The following SENP6 variants were observed in gnomAD, a reference collection of about 807,000 sequenced individuals.
SENP6 encodes SUMO specific peptidase 6.
Under a neutral mutation model 134.5 loss-of-function variants are expected in SENP6, and 41 were observed. The ratio of observed to expected loss-of-function variants is 0.30; its 90% CI spans 0.24 to 0.40. The LOEUF is 0.40. SENP6 is among the 10% of genes least tolerant of loss of function. The pLI, the probability that SENP6 is intolerant of heterozygous loss-of-function variation, is 1.00. For missense variants in SENP6, 1,248 were observed against 1,312.5 expected (o/e 0.95, Z 0.76); for synonymous variants, 395 against 429.8 (o/e 0.92, Z 1.00).
rs746048827 is a variant in SENP6 at position 75,666,840 on chromosome 6, A to C, written c.1123A>C (p.Asn375His). The C allele has an allele frequency of 6.2e-7, 1 of 1,613,856 alleles. No homozygotes were observed. The highest frequency in any genetic ancestry group is 1.1e-5 in the South Asian group (1 of 91,066). The change falls in exon 10 of 24, where the codon AAT becomes CAT. Residue 375 changes from asparagine (N) to histidine (H), a missense_variant. Around this residue, in one of 3 missense-constraint regions of SENP6, gnomAD observed 733 missense variants for 725.4 expected, o/e 1.01. Coordinates refer to ENST00000447266, the MANE Select transcript of SENP6 (RefSeq NM_015571.4). The part of the protein sequence containing the change: ...PSTGKVEAAL[N>H]ENTCRAEREL... ...CACTGGAAAAGTAGAAGCAGCGCTA[A>C]ATGAAAATACTTGCAGAGCAGAGCG...
chr6:75,685,296 C>G (rs1773749638), intron 16 of SENP6, among the ~76,000 whole-genome samples: 2 of 151,994 alleles, frequency 1.3e-5, no homozygotes, highest in Admixed American at 1.3e-4. Flanking sequence ...GTCTTGCTAG[C>G]AGTCAGTCAA....
chr6:75,708,859 A>G (rs989519777), intron 19 of SENP6, among the ~76,000 whole-genome samples: 4 of 152,144 alleles, frequency 2.6e-5, no homozygotes, highest in Non-Finnish European at 5.9e-5. Flanking sequence ...GTGCCACTGC[A>G]CTCCAGCCTG....
chr6:75,664,872 T>C (rs1452093009), intron 9 of SENP6, among the ~76,000 whole-genome samples: 2 of 152,248 alleles, frequency 1.3e-5, no homozygotes, highest in African/African-American at 4.8e-5. Flanking sequence ...GTCCCTGTTC[T>C]CTTATAGTTT....
intron 1 of SENP6, among the ~76,000 whole-genome samples, chr6:75,619,939 A>T (rs1034232205): frequency 1.3e-5 from 2 of 152,062 alleles, no homozygotes; most frequent in Non-Finnish European, 2.9e-5. Context: ...AAAAAAATTT[A>T]AAAATTTCCT....
Position 75,633,693 on chromosome 6 carries a change from GACTTAACAT to G in SENP6, c.321_329del (p.Asn109_Leu111del). On this transcript the variant is annotated inframe_deletion, in exon 4 of 24. Coordinates refer to ENST00000447266, the MANE Select transcript of SENP6 (RefSeq NM_015571.4). ...AAAACTTTGAAAGGCAACCCAATTG[GACTTAACAT>G]GTTGAGCAACAATAAGAAATTGAGG... 1 of 1,610,534 alleles carries G rather than the reference GACTTAACAT, an allele frequency of 6.2e-7. No homozygotes were observed. The highest frequency in any genetic ancestry group is 8.5e-7 in the Non-Finnish European group (1 of 1,178,828).
intron 16 of SENP6, among the ~76,000 whole-genome samples, chr6:75,690,381 C>T (rs1183534609): frequency 1.3e-5 from 2 of 152,130 alleles, no homozygotes; most frequent in African/African-American, 4.8e-5. Context: ...GAAGGAAATA[C>T]TGTTACTTGC....
At chr6:75,701,543 G>A (rs1775026347) in intron 18 of SENP6, among the ~76,000 whole-genome samples, 1 of 148,460 alleles carries the variant, frequency 6.7e-6, no homozygotes, top group African/African-American at 2.5e-5. Context: ...ATAACACACA[G>A]TAACAGTAAA....
In SENP6 at chr6:75,617,263, C is replaced by CTTTTTT. The variant is rs71002751; in HGVS notation, c.53-4247_53-4242dup. Among the ~76,000 whole-genome samples, 144 of 58,106 alleles carry CTTTTTT rather than the reference C, an allele frequency of 2.5e-3. 9 individuals are homozygous for CTTTTTT. The highest frequency in any genetic ancestry group is 4.9e-3 in the South Asian group (5 of 1,030). 38.1% of individuals were successfully genotyped at this position (58,106 alleles called of 152,430 possible). A position where few individuals can be genotyped will look rare whatever the true frequency, so the allele number is the denominator to read the frequency against. On this transcript the variant is annotated intron_variant, in intron 1 of 23. Coordinates refer to ENST00000447266, the MANE Select transcript of SENP6 (RefSeq NM_015571.4). ...GATGGTTTGGAGAATTTCTTTCTTT[C>CTTTTTT]TTTTTTTTTTTTTTTTTTTTTTTTT...
At chr6:75,673,807 A>G (rs1284489870) in intron 11 of SENP6, among the ~76,000 whole-genome samples, 1 of 151,860 alleles carries the variant, frequency 6.6e-6, no homozygotes, top group East Asian at 2.0e-4. Context: ...GATCACTTGA[A>G]GTCAGGAATT....
At position 75,677,207 on chromosome 6, in the gene SENP6, A is replaced by G. The variant is rs772752136; in HGVS notation, c.1799A>G (p.Glu600Gly). 6.2e-7 allele frequency: 1 copy of G among 1,608,330 alleles called. No individual in the cohort carries two copies. Reference sequence around the variant, plus strand: ...CTTGTTGCCTGTACAAGAACCTATGAAGAGAGCATCAAAGGAAGTTGTGGG... The same window carrying G: ...CTTGTTGCCTGTACAAGAACCTATGGAGAGAGCATCAAAGGAAGTTGTGGG... ...GRLVACTRTYEESIKGSCGQK... is the reference protein window; with the variant it reads ...GRLVACTRTYGESIKGSCGQK... The change falls in exon 14 of 24, where the codon GAA becomes GGA. Residue 600 changes from glutamate (E) to glycine (G), a missense_variant. By Grantham distance (98) the Glu-to-Gly change is moderately conservative (BLOSUM62 -2). Around this residue, in one of 3 missense-constraint regions of SENP6, gnomAD observed 733 missense variants for 725.4 expected, o/e 1.01. Transcript: ENST00000447266.
At chr6:75,701,891 C>T (rs915323798) in intron 18 of SENP6, among the ~76,000 whole-genome samples, 5 of 151,972 alleles carry the variant, frequency 3.3e-5, no homozygotes, top group East Asian at 1.9e-4. Flanking sequence ...CCACCCGCCT[C>T]GGCCTCCCAA....
intron 19 of SENP6, among the ~76,000 whole-genome samples, chr6:75,705,924 C>CTTTTTTTTTTTTTTTTTTTGTTT (rs1562073188): frequency 1.1e-5 from 1 of 89,280 alleles, no homozygotes; most frequent in Non-Finnish European, 2.2e-5. Flanking sequence ...TATTTTTGAG[C>CTTTTTTTTTTTTTTTTTTTGTTT]CTTTTTTTTT....
At chr6:75,612,388 G>C (rs186801277) in intron 1 of SENP6, among the ~76,000 whole-genome samples, 169 of 152,232 alleles carry the variant, frequency 1.1e-3, no homozygotes, top group African/African-American at 3.9e-3. Context: ...CGTAATTGTT[G>C]TGGTGCGCTT....
chr6:75,671,175 C>T (rs1466263688), intron 11 of SENP6, among the ~76,000 whole-genome samples: 1 of 152,188 alleles, frequency 6.6e-6, no homozygotes, highest in East Asian at 1.9e-4. Flanking sequence ...CCCATCATAC[C>T]TGTGTACTTA....
intron 18 of SENP6, among the ~76,000 whole-genome samples, chr6:75,702,208 A>C (rs1775081154): frequency 6.7e-6 from 1 of 148,876 alleles, no homozygotes; most frequent in Non-Finnish European, 1.5e-5. Flanking sequence ...AGAACTAAAA[A>C]AAAAATAGGC....
chr6:75,635,078 T>A, intron 5 of SENP6: 2 of 495,900 alleles, frequency 4.0e-6, no homozygotes. Context: ...TGAAACTGAT[T>A]TACAATATTG....
At chr6:75,673,043 G>A (rs1295741087) in intron 11 of SENP6, among the ~76,000 whole-genome samples, 2 of 152,074 alleles carry the variant, frequency 1.3e-5, no homozygotes, top group Non-Finnish European at 2.9e-5. Context: ...TAGCCAGGAT[G>A]GTCTCGATCT....
At chr6:75,664,272 A>C (rs981995639) in intron 9 of SENP6, among the ~76,000 whole-genome samples, 8 of 151,842 alleles carry the variant, frequency 5.3e-5, no homozygotes, top group East Asian at 3.8e-4. Flanking sequence ...AAAAAAAAAA[A>C]CAATAATAAT....
chr6:75,663,056 T>A (rs907187348), intron 8 of SENP6, among the ~76,000 whole-genome samples, 165 bp from the exon 9 acceptor site: 3 of 152,242 alleles, frequency 2.0e-5, no homozygotes, highest in Non-Finnish European at 2.9e-5. Context: ...GACTTAATTT[T>A]GAGACTTTGA....
Sources: gnomAD v4.1 joint callset for allele counts (sites outside exome capture counted in the v4.1 genomes callset) on GRCh38, gnomAD v4.1.1 for gene constraint, gnomAD v4.1.1 regional missense constraint, MANE v1.5 for transcripts, NCBI Gene and HGNC (gene_info 2026-07-23, HGNC 2026-07-21) for gene names.